The following PLEC variants were observed in gnomAD, a reference collection of about 807,000 sequenced individuals.
PLEC encodes the protein plectin, also known as hemidesmosomal protein 1.
Under a neutral mutation model 392.8 loss-of-function variants are expected in PLEC, and 216 were observed. That is an observed-to-expected ratio of 0.55 (90% confidence interval 0.49 to 0.62). The LOEUF (loss-of-function observed/expected upper bound fraction) is 0.62. PLEC is among the 20% of genes least tolerant of loss of function. The probability of loss-of-function intolerance (pLI) is 0.00; values close to 1 mark genes in which losing one functional copy is unlikely to be tolerated. For missense variants in PLEC, 6,863 were observed against 6,563.4 expected, an observed-to-expected ratio of 1.05 and a Z score of -1.58; for synonymous variants, 3,621 against 2,980.6, an observed-to-expected ratio of 1.21 and a Z score of -7.00.
Position 143,926,139 on chromosome 8 carries a change from C to T in PLEC, c.4045-255G>A, listed in dbSNP as rs188397554. On this transcript the variant is annotated intron_variant, in intron 30 of 31. Coordinates refer to ENST00000345136, the MANE Select transcript of PLEC (RefSeq NM_201384.3). ...CTCCCTGCTTCCCGCAGACAGGCGACGGAGACAGACGGACGGGGAGAGAGA... is the reference window on the plus strand; with the variant it reads ...CTCCCTGCTTCCCGCAGACAGGCGATGGAGACAGACGGACGGGGAGAGAGA... 1.6e-4 allele frequency among the ~76,000 whole-genome samples: 25 copies of T among 152,338 alleles called. No homozygotes were observed. In the East Asian group the frequency reaches 2.9e-3, roughly 18 times the overall value.
Position 143,920,025 on chromosome 8 carries a change from G to T in PLEC, c.9796C>A (p.Gln3266Lys), listed in dbSNP as rs782416096. ...LISSEYFTAE[Q>K]RQELLRQFRT... is the part of the protein sequence containing the mutation. ...AACTGACGCAACAGCTCCTGCCGCT[G>T]CTCCGCAGTGAAGTACTCAGAGCTG... is the stretch of plus-strand genomic sequence containing the variant. The change falls in exon 32 of 32, where the codon CAG (glutamine) becomes AAG (lysine). Residue 3266 changes from glutamine (Q) to lysine (K), a missense_variant. Gln to Lys is a moderately conservative substitution (Grantham distance 53, BLOSUM62 1). Coordinates refer to ENST00000345136, the MANE Select transcript of PLEC (RefSeq NM_201384.3). 2 of 1,613,224 alleles carry T rather than the reference G, an allele frequency of 1.2e-6. No individual in the cohort carries two copies. Among genetic ancestry groups the T allele is most frequent in the African/African-American group, 2.7e-5 (2 of 74,942 alleles).
chr8:143,948,302 C>T (rs1267283582), intron 1 of PLEC, among the ~76,000 whole-genome samples: 3 of 152,250 alleles, frequency 2.0e-5, no homozygotes, highest in African/African-American at 7.2e-5. Flanking sequence ...GCCCTTCTGC[C>T]AACCCACGGA....
intron 19 of PLEC, 121 bp downstream of exon 19, chr8:143,931,412 TC>T: frequency 1.1e-6 from 1 of 916,750 alleles, no homozygotes; most frequent in Non-Finnish European, 1.7e-6. Context: ...CCTCTACACC[TC>T]CCATGGTGCC....
chr8:143,925,828 G>A lies in PLEC; in HGVS notation c.4101C>T (p.Ala1367=), dbSNP rs376065732. The change falls in exon 31 of 32, where the codon GCC becomes GCT. Residue 1367 remains alanine (A), a synonymous_variant. Coordinates refer to ENST00000345136, the MANE Select transcript of PLEC (RefSeq NM_201384.3). ...EERERLAEVE[A]ALEKQRQLAE... is the part of the protein sequence containing the mutation. Reference sequence around the variant, plus strand: ...CCAGCTGCCGCTGCTTCTCCAGCGCGGCCTCCACCTCGGCCAGCCGCTCGC... The same window carrying A: ...CCAGCTGCCGCTGCTTCTCCAGCGCAGCCTCCACCTCGGCCAGCCGCTCGC... 2.0e-4 allele frequency: 315 copies of A among 1,559,342 alleles called. No homozygotes were observed. The African/African-American group carries it at 3.1e-3, about 16-fold the overall frequency.
upstream of PLEC, chr8:143,942,528 C>G: frequency 6.4e-7 from 1 of 1,558,350 alleles, no homozygotes; most frequent in Non-Finnish European, 8.6e-7. Flanking sequence ...CGGCCACGGC[C>G]GGAGCCCTGG....
chr8:143,921,059 G>A lies in PLEC; in HGVS notation c.8762C>T (p.Thr2921Met), dbSNP rs191036710. ...SAPFGKFQGK[T>M]VTIWEIINSE... ...GTTGATGATCTCCCAAATGGTCACC[G>A]TCTTGCCCTGGAACTTGCCGAACGG... The change falls in exon 32 of 32, where the codon ACG becomes ATG. Residue 2921 changes from threonine to methionine, a missense_variant. Transcript: ENST00000345136. The A allele has an allele frequency of 2.2e-4, 349 of 1,612,054 alleles. No homozygotes were observed. The highest frequency in any genetic ancestry group is 2.6e-4 in the Non-Finnish European group (310 of 1,180,018).
At chr8:143,974,605 G>C (rs1564241180), upstream of PLEC, among the ~76,000 whole-genome samples, 2 of 152,206 alleles carry the variant, frequency 1.3e-5, no homozygotes, top group Non-Finnish European at 2.9e-5. This position sits in a 1 kb window ranked among gnomAD's most constrained non-coding sequence, Gnocchi z 5.9. Context: ...CCTCCGGCTG[G>C]AACAGGTCAG....
chr8:143,950,438 G>A, exon 1 of PLEC: 1 of 1,601,956 alleles, frequency 6.2e-7, no homozygotes, highest in Admixed American at 1.7e-5. Flanking sequence ...CACGATCTCT[G>A]GCGGCAGGTG....
intron 1 of PLEC, among the ~76,000 whole-genome samples, chr8:143,972,952 C>T (rs1833504760): frequency 6.6e-6 from 1 of 152,188 alleles, no homozygotes. Flanking sequence ...GGGTGGCAGC[C>T]CAGGCCCTCG....
chr8:143,926,850 C>T lies in PLEC; in HGVS notation c.3978G>A (p.Leu1326=). 3 of 1,613,614 alleles carry T rather than the reference C, an allele frequency of 1.9e-6. No individual in the cohort carries two copies. The highest frequency in any genetic ancestry group is 2.5e-6 in the Non-Finnish European group (3 of 1,179,964). The change falls in exon 30 of 32, where the codon CTG becomes CTA. Residue 1326 remains leucine (L), a synonymous_variant. Transcript: ENST00000345136. ...YVDLRTHYSE[L]TTLTSQYIKF... is the part of the protein sequence containing the mutation. Reference sequence around the variant, plus strand: ...TGATGTACTGGCTCGTCAGTGTGGTCAGCTCGCTGTAGTGCGTACGCAGGT... The same window carrying T: ...TGATGTACTGGCTCGTCAGTGTGGTTAGCTCGCTGTAGTGCGTACGCAGGT...
upstream of PLEC, chr8:143,975,058 A>T: frequency 8.7e-7 from 1 of 1,146,694 alleles, no homozygotes; most frequent in Non-Finnish European, 1.3e-6. This position sits in a 1 kb window ranked among gnomAD's most constrained non-coding sequence, Gnocchi z 9.9. Context: ...GCCCTCCGTG[A>T]CCCGCAGATC....
chr8:143,954,560 A>C (rs574698336), upstream of PLEC, among the ~76,000 whole-genome samples: 2 of 151,444 alleles, frequency 1.3e-5, no homozygotes, highest in Non-Finnish European at 2.9e-5. This position sits in a 1 kb window ranked among gnomAD's most constrained non-coding sequence, Gnocchi z 4.6. Flanking sequence ...CCCACCCCCC[A>C]CGACCACCAG....
rs1554688999 is a variant in PLEC at position 143,922,236 on chromosome 8, G to C, written c.7585C>G (p.Gln2529Glu). Residue 2529 changes from glutamine (Q) to glutamate (E), a missense_variant, in exon 32 of 32, where the codon CAG becomes GAG. Physicochemically the swap from Gln to Glu is conservative, Grantham distance 29. Transcript: ENST00000345136. ...TGCCGCTGCTGCTCCTCACGCAGCT[G>C]CTGTGCCTTGGCCACCTCGTCCTGG... ...LFQDEVAKAQ[Q>E]LREEQQRQQQ... 6.3e-7 allele frequency: 1 copy of C among 1,584,522 alleles called. No individual in the cohort carries two copies. Among genetic ancestry groups the C allele is most frequent in the Non-Finnish European group, 8.6e-7 (1 of 1,168,126 alleles).
In PLEC at chr8:143,921,531, G is replaced by A. The variant is rs1554686112; in HGVS notation, c.8290C>T (p.His2764Tyr). 6.2e-7 allele frequency: 1 copy of A among 1,612,798 alleles called. No homozygotes were observed. The highest frequency in any genetic ancestry group is 8.5e-7 in the Non-Finnish European group (1 of 1,179,730). The change falls in exon 32 of 32, where the codon CAC becomes TAC. Residue 2764 changes from histidine (H) to tyrosine (Y), a missense_variant. Coordinates refer to ENST00000345136, the MANE Select transcript of PLEC (RefSeq NM_201384.3). Reference sequence around the variant, plus strand: ...CGCTCGGCCGACAGCAGCTTGTGGTGCAGCTCGGGGCCCACCACACCCTCC... The same window carrying A: ...CGCTCGGCCGACAGCAGCTTGTGGTACAGCTCGGGGCCCACCACACCCTCC... Reference protein sequence around the residue: ...VKEGVVGPELHHKLLSAERAV... With the variant: ...VKEGVVGPELYHKLLSAERAV...
At position 143,923,403 on chromosome 8, in the gene PLEC, G is replaced by A; in HGVS notation, c.6526C>T (p.Gln2176Ter). The A allele has an allele frequency of 6.2e-7, 1 of 1,610,740 alleles. No individual in the cohort carries two copies. The highest frequency in any genetic ancestry group is 8.5e-7 in the Non-Finnish European group (1 of 1,179,708). The change falls in exon 31 of 32, where the codon CAG becomes TAG. Residue 2176 changes from glutamine (Q) to a stop codon, truncating the protein, a stop_gained. Coordinates refer to ENST00000345136, the MANE Select transcript of PLEC (RefSeq NM_201384.3). LOFTEE classifies it high-confidence loss of function. ...EMEKHKKFAE[Q>*]TLRQKAQVEQ... ...ACCTGCGCCTTCTGCCGCAGCGTCT[G>A]CTCGGCGAATTTCTTATGCTTCTCC...
chr8:143,953,984 C>T (rs1358831355), upstream of PLEC: 132 of 1,250,942 alleles, frequency 1.1e-4, no homozygotes, highest in Non-Finnish European at 1.3e-4. Context: ...CCCCCCCAGC[C>T]TGTGGTTCTG....
intron 24 of PLEC, 55 bp downstream of exon 24, chr8:143,929,359 G>A (rs1338780420): frequency 2.7e-5 from 43 of 1,572,376 alleles, no homozygotes; most frequent in Non-Finnish European, 3.6e-5. Context: ...AGGAGGGAGG[G>A]TGGGAGGAGG....
intron 1 of PLEC, among the ~76,000 whole-genome samples, chr8:143,959,565 C>T (rs1355128535): frequency 1.3e-5 from 2 of 152,248 alleles, no homozygotes; most frequent in Non-Finnish European, 2.9e-5. Flanking sequence ...CACAAGTTCC[C>T]GTCAGACAGC....
At chr8:143,976,103 G>A (rs1330276477), upstream of PLEC, among the ~76,000 whole-genome samples, 1 of 152,206 alleles carries the variant, frequency 6.6e-6, no homozygotes, top group Non-Finnish European at 1.5e-5. Context: ...ATAAATAGCT[G>A]CAGCCGCAGC....
Sources: allele counts gnomAD v4.1 joint callset (sites outside exome capture counted in the v4.1 genomes callset), GRCh38; gene constraint gnomAD v4.1.1; non-coding constraint Gnocchi (gnomAD v3.1); transcripts MANE v1.5; gene names NCBI Gene and HGNC (gene_info 2026-07-23, HGNC 2026-07-21).